The following KRT81 variants were observed in gnomAD, a reference collection of about 807,000 sequenced individuals.
KRT81 encodes the protein keratin, type II cuticular Hb1.
KRT81 carries 35 observed loss-of-function variants against 35.8 expected under a neutral mutation model. The ratio of observed to expected loss-of-function variants is 0.98; its 90% CI spans 0.75 to 1.30. KRT81 has a LOEUF of 1.30. Ranked by LOEUF, KRT81 falls within the 50% of genes most tolerant of loss-of-function variation. The pLI is 0.00. For missense variants in KRT81, 531 were observed against 577.4 expected (o/e 0.92, Z 0.82); for synonymous variants, 249 against 251.2 (o/e 0.99, Z 0.08).
At chr12:52,286,673 C>G in intron 8 of KRT81, 118 bp downstream of exon 8, 1 of 1,256,076 alleles carries the variant, frequency 8.0e-7, no homozygotes, top group Non-Finnish European at 1.1e-6. Flanking sequence ...CAAATCCCTC[C>G]TGTTGTGATG....
rs1937914173 is a variant in KRT81 at position 52,285,934 on chromosome 12, A to G, written c.*321T>C. ...CAGGTTGGCTACATTAATTTATTGA[A>G]ACACAGATCAAGAGCAGAGGAGGAA... On this transcript the variant is annotated 3_prime_UTR_variant, in exon 9 of 9. Coordinates refer to ENST00000327741, the MANE Select transcript of KRT81 (RefSeq NM_002281.4). 1 of 419,740 alleles carries G rather than the reference A, an allele frequency of 2.4e-6. No individual in the cohort carries two copies. Among genetic ancestry groups the G allele is most frequent in the African/African-American group, 2.0e-5 (1 of 49,720 alleles). The allele number at this position is 419,740 out of a possible 1,614,324, so 26.0% of individuals were successfully genotyped here.
Position 52,288,012 on chromosome 12 carries a change from G to A in KRT81, c.872C>T (p.Ala291Val). The A allele has an allele frequency of 1.2e-6, 2 of 1,614,228 alleles. No individual in the cohort carries two copies. Among genetic ancestry groups the A allele is most frequent in the South Asian group, 2.2e-5 (2 of 91,082 alleles). The change falls in exon 5 of 9, where the codon GCC becomes GTC. Residue 291 changes from alanine to valine, a missense_variant. Transcript: ENST00000327741. The stretch of plus-strand genomic sequence containing the variant: ...GCTGCGGTACCAGGACTCGGCCTCG[G>A]CCCGGCTGCGGGTGACAATGTCGTC... ...QYDDIVTRSR[A>V]EAESWYRSKC...
In KRT81 at chr12:52,287,578, C is replaced by G. The variant is rs111635510; in HGVS notation, c.1026+18G>C. 467 of 1,613,880 alleles carry G rather than the reference C, an allele frequency of 2.9e-4. No individual in the cohort carries two copies. The highest frequency in any genetic ancestry group is 2.5e-3 in the African/African-American group (188 of 74,990). On this transcript the variant is annotated intron_variant, in intron 6 of 8. Transcript: ENST00000327741. ...TAGGCCCTCGGTCTCTCTGACCTTGCGCACAGATGCCCCATACCTGGCACT... is the reference window on the plus strand; with the variant it reads ...TAGGCCCTCGGTCTCTCTGACCTTGGGCACAGATGCCCCATACCTGGCACT...
At position 52,286,234 on chromosome 12, in the gene KRT81, C is replaced by T; in HGVS notation, c.*21G>A. 1.3e-6 allele frequency: 2 copies of T among 1,547,978 alleles called. No homozygotes were observed. The highest frequency in any genetic ancestry group is 1.7e-6 in the Non-Finnish European group (2 of 1,143,492). On this transcript the variant is annotated 3_prime_UTR_variant, in exon 9 of 9. Coordinates refer to ENST00000327741, the MANE Select transcript of KRT81 (RefSeq NM_002281.4). ...GCAGGGCAGGAAAGATGCCTGGGGC[C>T]TGGGACTTGAGTTGGGGTGCCTAAC...
In KRT81 at chr12:52,291,417, C is replaced by T. The variant is rs768939809; in HGVS notation, c.49G>A (p.Ala17Thr). 1.2e-6 allele frequency: 2 copies of T among 1,611,864 alleles called. No individual in the cohort carries two copies. The highest frequency in any genetic ancestry group is 2.2e-5 in the South Asian group (2 of 90,900). ...CAGCGGCCGGGCCGCGGCCCGCAGG[C>T]CGAGATGCAGCTGAAGGCGCGCCCA... ...FGGRAFSCIS[A>T]CGPRPGRCCI... Residue 17 changes from alanine (A) to threonine (T), a missense_variant, in exon 1 of 9, where the codon GCC becomes ACC. Physicochemically the swap from Ala to Thr is moderately conservative, Grantham distance 58 (BLOSUM62 0). This residue lies in a region of KRT81 where 133 missense variants were observed against 125.9 expected (regional missense o/e 1.06). Coordinates refer to ENST00000327741, the MANE Select transcript of KRT81 (RefSeq NM_002281.4).
rs567840643 is a variant in KRT81 at position 52,287,620 on chromosome 12, G to A, written c.1002C>T (p.Ala334=). 1.4e-5 allele frequency: 22 copies of A among 1,613,764 alleles called. No homozygotes were observed. The highest frequency in any genetic ancestry group is 6.7e-5 in the African/African-American group (5 of 74,878). Residue 334 remains alanine, a synonymous_variant, in exon 6 of 9, where the codon GCC becomes GCT. Transcript: ENST00000327741. ...ELNRMIQRLT[A]EVENAKCQNS... ...CCTGGCACTTGGCATTCTCCACCTC[G>A]GCCGTCAGCCTTTGGATCATGCGGT... is the stretch of plus-strand genomic sequence containing the variant.
rs1354391499 is a variant in KRT81, at chr12:52,285,978, A to G, written c.*277T>C. 2 of 514,072 alleles carry G rather than the reference A, an allele frequency of 3.9e-6. No homozygotes were observed. Among genetic ancestry groups the G allele is most frequent in the African/African-American group, 1.9e-5 (1 of 52,182 alleles). 31.8% of individuals were successfully genotyped at this position (514,072 alleles called of 1,614,324 possible). A position where few individuals can be genotyped will look rare whatever the true frequency, so the allele number is the denominator to read the frequency against. ...GGAGGAAGGGGAGAGGCAGGAAGGC[A>G]GTTGCCGTGGGCAAGGTTCTGGTCC... is the stretch of plus-strand genomic sequence containing the variant. On this transcript the variant is annotated 3_prime_UTR_variant, in exon 9 of 9. Transcript: ENST00000327741.
At chr12:52,288,720 A>T (rs2121244995) in intron 3 of KRT81, among the ~76,000 whole-genome samples, 1 of 151,726 alleles carries the variant, frequency 6.6e-6, no homozygotes, top group Non-Finnish European at 1.5e-5. Flanking sequence ...CTCCTGCTCC[A>T]GGAAGCCTGC....
At chr12:52,287,882 A>G in intron 5 of KRT81, 102 bp downstream of exon 5, 1 of 1,606,370 alleles carries the variant, frequency 6.2e-7, no homozygotes, top group Non-Finnish European at 8.5e-7. Context: ...CTCTCTTCTC[A>G]TCCCTAGGGA....
At chr12:52,288,313 C>G (rs1233568601) in intron 4 of KRT81, 48 bp downstream of exon 4, 8 of 1,612,486 alleles carry the variant, frequency 5.0e-6, no homozygotes, top group Non-Finnish European at 6.8e-6. Flanking sequence ...ACCCCCAACT[C>G]TCCTCTCTGC....
Position 52,288,143 on chromosome 12 carries a change from G to A in KRT81, c.741C>T (p.Ile247=). 6.2e-7 allele frequency: 1 copy of A among 1,614,102 alleles called. No individual in the cohort carries two copies. The highest frequency in any genetic ancestry group is 2.2e-5 in the East Asian group (1 of 44,874). ...DFLRRLYEEE[I]LILQSHISDT... is the part of the protein sequence containing the mutation. Reference sequence around the variant, plus strand: ...CTGAGATGTGCGACTGGAGAATGAGGATCTCCTGCAGGAGGTGAGGGCAGT... The same window carrying A: ...CTGAGATGTGCGACTGGAGAATGAGAATCTCCTGCAGGAGGTGAGGGCAGT... Residue 247 remains isoleucine, a synonymous_variant, in exon 5 of 9, where the codon ATC becomes ATT. Transcript: ENST00000327741.
At chr12:52,288,280 C>T in intron 4 of KRT81, 81 bp downstream of exon 4, 2 of 1,604,958 alleles carry the variant, frequency 1.2e-6, no homozygotes, top group Non-Finnish European at 1.7e-6. Flanking sequence ...GCAACCTCTA[C>T]CCACATCCTG....
At position 52,286,265 on chromosome 12, in the gene KRT81, C is replaced by A; in HGVS notation, c.1508G>T (p.Arg503Leu). 6.4e-7 allele frequency: 1 copy of A among 1,554,022 alleles called. No individual in the cohort carries two copies. The highest frequency in any genetic ancestry group is 1.4e-5 in the African/African-American group (1 of 73,450). ...CTTGAGTTGGGGTGCCTAACATTTC[C>A]GGCAGCTGCTGCCGCAAGACCCCAC... Reference protein sequence around the residue: ...LGVGSCGSSCRKC With the variant: ...LGVGSCGSSCLKC The change falls in exon 9 of 9, where the codon CGG becomes CTG. Residue 503 changes from arginine (R) to leucine (L), a missense_variant. This residue lies in a region of KRT81 where 150 missense variants were observed against 145.4 expected (regional missense o/e 1.03). Coordinates refer to ENST00000327741, the MANE Select transcript of KRT81 (RefSeq NM_002281.4).
chr12:52,287,761 C>G, intron 5 of KRT81, 40 bp from the exon 6 acceptor site: 1 of 1,613,998 alleles, frequency 6.2e-7, no homozygotes, highest in East Asian at 2.2e-5. Context: ...CAGGGTGGGA[C>G]CTCCCATCCA....
chr12:52,291,406 C>A lies in KRT81; in HGVS notation c.60G>T (p.Pro20=), dbSNP rs75660643. 4.3e-6 allele frequency: 7 copies of A among 1,610,610 alleles called. No homozygotes were observed. Among genetic ancestry groups the A allele is most frequent in the Non-Finnish European group, 5.1e-6 (6 of 1,178,750 alleles). Residue 20 remains proline (P), a synonymous_variant, in exon 1 of 9, where the codon CCG becomes CCT. Transcript: ENST00000327741. ...RAFSCISACG[P]RPGRCCITAA... ...CGGTGATGCAGCAGCGGCCGGGCCG[C>A]GGCCCGCAGGCCGAGATGCAGCTGA...
At position 52,291,401 on chromosome 12, in the gene KRT81, G is replaced by A. The variant is rs1938117419; in HGVS notation, c.65C>T (p.Pro22Leu). Residue 22 changes from proline to leucine, a missense_variant, in exon 1 of 9, where the codon CCC (proline) becomes CTC (leucine). Coordinates refer to ENST00000327741, the MANE Select transcript of KRT81 (RefSeq NM_002281.4). ...FSCISACGPRPGRCCITAAPY... is the reference protein window; with the variant it reads ...FSCISACGPRLGRCCITAAPY... ...GGCGGCGGTGATGCAGCAGCGGCCGGGCCGCGGCCCGCAGGCCGAGATGCA... is the reference window on the plus strand; with the variant it reads ...GGCGGCGGTGATGCAGCAGCGGCCGAGCCGCGGCCCGCAGGCCGAGATGCA... The A allele has an allele frequency of 3.1e-6, 5 of 1,610,396 alleles. No individual in the cohort carries two copies. The highest frequency in any genetic ancestry group is 2.2e-5 in the East Asian group (1 of 44,736).
rs758094830 is a variant in KRT81, at chr12:52,291,328, G to A, written c.138C>T (p.Gly46=). 1.1e-4 allele frequency: 178 copies of A among 1,555,068 alleles called. No individual in the cohort carries two copies. The highest frequency in any genetic ancestry group is 1.4e-4 in the Non-Finnish European group (163 of 1,151,276). The part of the protein sequence containing the change: ...SCYRGLTGGF[G]SHSVCGGFRA... ...GAAAGCCTCCGCACACGCTGTGGCTGCCGAAGCCCCCGGTGAGGCCGCGGT... is the reference window on the plus strand; with the variant it reads ...GAAAGCCTCCGCACACGCTGTGGCTACCGAAGCCCCCGGTGAGGCCGCGGT... The change falls in exon 1 of 9, where the codon GGC becomes GGT. Residue 46 remains glycine (G), a synonymous_variant. Transcript: ENST00000327741.
chr12:52,286,474 G>T lies in KRT81; in HGVS notation c.1299C>A (p.Gly433=). ...CGCAGAGGTCCCCGCACACGACCCC[G>T]CCCCGGGAGCTGCTGACACCTGTGA... ...AVNVCVSSSR[G]GVVCGDLCVS... is the part of the protein sequence containing the mutation. The change falls in exon 9 of 9, where the codon GGC becomes GGA. Residue 433 remains glycine, a synonymous_variant. Transcript: ENST00000327741. 6.4e-7 allele frequency: 1 copy of T among 1,552,358 alleles called. No homozygotes were observed. Among genetic ancestry groups the T allele is most frequent in the Non-Finnish European group, 8.7e-7 (1 of 1,147,740 alleles).
Position 52,287,650 on chromosome 12 carries a change from C to T in KRT81, c.972G>A (p.Glu324=). 6.2e-7 allele frequency: 1 copy of T among 1,613,952 alleles called. No individual in the cohort carries two copies. The highest frequency in any genetic ancestry group is 2.2e-5 in the East Asian group (1 of 44,868). Residue 324 remains glutamate (E), a synonymous_variant, in exon 6 of 9, where the codon GAG becomes GAA. Transcript: ENST00000327741. The stretch of plus-strand genomic sequence containing the variant: ...TCAGCCTTTGGATCATGCGGTTCAG[C>T]TCATTGATCTCCTCCTTGGTGCGGC... ...TLRRTKEEIN[E]LNRMIQRLTA... is the part of the protein sequence containing the mutation.
Sources: gnomAD v4.1 joint callset for allele counts (sites outside exome capture counted in the v4.1 genomes callset) on GRCh38, gnomAD v4.1.1 for gene constraint, gnomAD v4.1.1 regional missense constraint, MANE v1.5 for transcripts, NCBI Gene and HGNC (gene_info 2026-07-23, HGNC 2026-07-21) for gene names.